ZNF587B: variants seen among roughly 807,000 people sequenced by gnomAD.
ZNF587B encodes zinc finger protein 587B.
A neutral mutation model predicts 7.2 loss-of-function variants in ZNF587B; 6 were observed. The observed-to-expected ratio is 0.83, with a 90% confidence interval of 0.46 to 1.65. The LOEUF (loss-of-function observed/expected upper bound fraction) is 1.65, where lower values mean the gene tolerates loss of function less well. ZNF587B is among the 40% of genes most tolerant of loss of function. ZNF587B has a pLI of 0.01. For missense variants in ZNF587B, 749 were observed against 761.0 expected (o/e 0.98, Z 0.19); for synonymous variants, 274 against 254.3 (o/e 1.08, Z -0.74).
At chr19:57,836,275 TC>T (rs1207000220) in intron 1 of ZNF587B, among the ~76,000 whole-genome samples, 1 of 152,172 alleles carries the variant, frequency 6.6e-6, no homozygotes, top group Non-Finnish European at 1.5e-5. Flanking sequence ...AAGGAGGTCC[TC>T]ACAGAATTAC....
rs1212543160 is a variant in ZNF587B at position 57,845,463 on chromosome 19, G to A, written c.*2887G>A. 1 of 152,086 alleles carries A rather than the reference G, an allele frequency of 6.6e-6. No individual in the cohort carries two copies. Among genetic ancestry groups the A allele is most frequent in the African/African-American group, 2.4e-5 (1 of 41,388 alleles). 9.4% of individuals were successfully genotyped at this position (152,086 alleles called of 1,614,324 possible). A position where few individuals can be genotyped will look rare whatever the true frequency, so the allele number is the denominator to read the frequency against. On this transcript the variant is annotated 3_prime_UTR_variant, in exon 3 of 3. Coordinates refer to ENST00000594901, the MANE Select transcript of ZNF587B (RefSeq NM_001376223.1). ...AACCTTTTGGGCTGCTCACCTTAAG[G>A]TAACTCCTGTATTAACAGGAGGAAC...
chr19:57,841,607 A>G lies in ZNF587B; in HGVS notation c.933A>G (p.Gly311=), dbSNP rs752433130. Residue 311 remains glycine (G), a synonymous_variant, in exon 3 of 3, where the codon GGA becomes GGG. Coordinates refer to ENST00000594901, the MANE Select transcript of ZNF587B (RefSeq NM_001376223.1). ...EECGKYFSLE[G]YLRRHQKVHA... ...GTGGGAAATATTTTAGCTTAGAAGG[A>G]TATCTTAGGCGCCATCAAAAAGTTC... 7 of 1,581,904 alleles carry G rather than the reference A, an allele frequency of 4.4e-6. No homozygotes were observed. The highest frequency in any genetic ancestry group is 2.3e-5 in the East Asian group (1 of 43,202).
chr19:57,842,093 A>G lies in ZNF587B; in HGVS notation c.1419A>G (p.Lys473=), dbSNP rs762675428. The G allele has an allele frequency of 1.0e-5, 16 of 1,597,324 alleles. No individual in the cohort carries two copies. In the East Asian group the frequency reaches 3.4e-4, roughly 34 times the overall value. Residue 473 remains lysine (K), a synonymous_variant, in exon 3 of 3, where the codon AAA becomes AAG. Coordinates refer to ENST00000594901, the MANE Select transcript of ZNF587B (RefSeq NM_001376223.1). The part of the protein sequence containing the change: ...KRPYMCWECG[K]LFKKKSHLLV... ...CTTATATGTGTTGGGAATGTGGAAA[A>G]TTATTTAAGAAGAAGTCTCACCTCC...
At position 57,841,618 on chromosome 19, in the gene ZNF587B, G is replaced by A. The variant is rs1176256794; in HGVS notation, c.944G>A (p.Arg315His). The change falls in exon 3 of 3, where the codon CGC (arginine) becomes CAC (histidine). Residue 315 changes from arginine to histidine, a missense_variant. This residue lies in a region of ZNF587B where 656 missense variants were observed against 596.5 expected (regional missense o/e 1.10). Coordinates refer to ENST00000594901, the MANE Select transcript of ZNF587B (RefSeq NM_001376223.1). ...KYFSLEGYLR[R>H]HQKVHAGKGP... ...TTTAGCTTAGAAGGATATCTTAGGC[G>A]CCATCAAAAAGTTCACGCTGGAAAA... 16 of 1,588,092 alleles carry A rather than the reference G, an allele frequency of 1.0e-5. No individual in the cohort carries two copies. Among genetic ancestry groups the A allele is most frequent in the South Asian group, 9.1e-5 (8 of 88,268 alleles).
rs188895332 is a variant in ZNF587B at position 57,837,863 on chromosome 19, G to T, written c.37-1160G>T. 4.9e-3 allele frequency among the ~76,000 whole-genome samples: 740 copies of T among 152,186 alleles called. 10 individuals are homozygous for T. Among genetic ancestry groups the T allele is most frequent in the Admixed American group, 7.2e-3 (110 of 15,278 alleles). On this transcript the variant is annotated intron_variant, in intron 1 of 2. Coordinates refer to ENST00000594901, the MANE Select transcript of ZNF587B (RefSeq NM_001376223.1). ...GCCTCCTAAAGCACTGGTACTACAGGTGCGAGCCACCACGCCTGGCTCAAT... is the reference window on the plus strand; with the variant it reads ...GCCTCCTAAAGCACTGGTACTACAGTTGCGAGCCACCACGCCTGGCTCAAT...
chr19:57,844,471 C>G lies in ZNF587B; in HGVS notation c.*1895C>G. On this transcript the variant is annotated 3_prime_UTR_variant, in exon 3 of 3. Coordinates refer to ENST00000594901, the MANE Select transcript of ZNF587B (RefSeq NM_001376223.1). ...GAGCTGAGATCATGCCACTGCACTCCAGCCTGGGTCCTGCTACCTTGAAGG... is the reference window on the plus strand; with the variant it reads ...GAGCTGAGATCATGCCACTGCACTCGAGCCTGGGTCCTGCTACCTTGAAGG... 4.4e-6 allele frequency: 1 copy of G among 227,086 alleles called. No homozygotes were observed. The highest frequency in any genetic ancestry group is 4.1e-5 in the South Asian group (1 of 24,406). 14.1% of individuals were successfully genotyped at this position (227,086 alleles called of 1,614,324 possible).
chr19:57,831,209 C>T (rs1988376694), intron 1 of ZNF587B, among the ~76,000 whole-genome samples: 1 of 152,096 alleles, frequency 6.6e-6, no homozygotes, highest in Admixed American at 6.6e-5. Context: ...TGGAGTCTGT[C>T]TGGCTCTCTT....
At chr19:57,839,682 AT>A (rs900005096) in intron 2 of ZNF587B, among the ~76,000 whole-genome samples, 3 of 151,640 alleles carry the variant, frequency 2.0e-5, no homozygotes, top group Non-Finnish European at 2.9e-5. Context: ...TGTCCCATGT[AT>A]TTGGTCATCA....
chr19:57,830,542 C>T lies in ZNF587B; in HGVS notation c.14C>T (p.Ala5Val), dbSNP rs781617982. The T allele has an allele frequency of 7.7e-5, 119 of 1,549,562 alleles. No homozygotes were observed. The highest frequency in any genetic ancestry group is 9.9e-5 in the Non-Finnish European group (114 of 1,147,182). MAVV[A>V]TLRLSAQGTV... Reference sequence around the variant, plus strand: ...CCACGTGGTTCGATGGCGGTGGTGGCCACGCTGAGGCTCTCTGCTCAGGTA... The same window carrying T: ...CCACGTGGTTCGATGGCGGTGGTGGTCACGCTGAGGCTCTCTGCTCAGGTA... Residue 5 changes from alanine to valine, a missense_variant, in exon 1 of 3, where the codon GCC (alanine) becomes GTC (valine). This residue lies in a region of ZNF587B where 21 missense variants were observed against 16.7 expected (regional missense o/e 1.25). Coordinates refer to ENST00000594901, the MANE Select transcript of ZNF587B (RefSeq NM_001376223.1).
chr19:57,842,360 C>T lies in ZNF587B; in HGVS notation c.1686C>T (p.Ser562=), dbSNP rs760131314. ...CSECGKSFAA[S]SYLTSHRRVH... ...AATGTGGGAAATCTTTTGCTGCAAG[C>T]TCCTATCTCACTAGTCACAGGAGAG... Residue 562 remains serine, a synonymous_variant, in exon 3 of 3, where the codon AGC becomes AGT. Transcript: ENST00000594901. 5.0e-6 allele frequency: 8 copies of T among 1,605,790 alleles called. No individual in the cohort carries two copies. In the African/African-American group the frequency reaches 8.0e-5, roughly 16 times the overall value.
Position 57,841,253 on chromosome 19 carries a change from T to C in ZNF587B, c.579T>C (p.Thr193=), listed in dbSNP as rs759356065. The change falls in exon 3 of 3, where the codon ACT becomes ACC. Residue 193 remains threonine, a synonymous_variant. Transcript: ENST00000594901. ...TACTCCAGCAGGAGGCCAGTCACAC[T>C]GGGGAGAAGTCAAACAGCAAAACTG... The part of the protein sequence containing the change: ...SGLLQQEASH[T]GEKSNSKTEC... 3 of 1,614,176 alleles carry C rather than the reference T, an allele frequency of 1.9e-6. No homozygotes were observed. Among genetic ancestry groups the C allele is most frequent in the Non-Finnish European group, 2.5e-6 (3 of 1,180,036 alleles).
In ZNF587B at chr19:57,845,359, C is replaced by G. The variant is rs1286419110; in HGVS notation, c.*2783C>G. On this transcript the variant is annotated 3_prime_UTR_variant, in exon 3 of 3. Coordinates refer to ENST00000594901, the MANE Select transcript of ZNF587B (RefSeq NM_001376223.1). ...ATGGATAAGCAGATACAGAAATTCT[C>G]AAGACTTCCATAATAATGAATGTTG... 6.6e-6 allele frequency: 1 copy of G among 152,174 alleles called. No individual in the cohort carries two copies. Among genetic ancestry groups the G allele is most frequent in the Non-Finnish European group, 1.5e-5 (1 of 68,034 alleles). 9.4% of individuals were successfully genotyped at this position (152,174 alleles called of 1,614,324 possible).
At position 57,842,548 on chromosome 19, in the gene ZNF587B, A is replaced by G; in HGVS notation, c.1874A>G (p.Gln625Arg). 6.5e-7 allele frequency: 1 copy of G among 1,535,244 alleles called. No homozygotes were observed. ...AAAAGCTCTTCACTTCGTTACCATC[A>G]GAGAGTTCATGAAAGAAAGGCCTTA... The part of the protein sequence containing the change: ...FRKSSSLRYH[Q>R]RVHERKAL The change falls in exon 3 of 3, where the codon CAG (glutamine) becomes CGG (arginine). Residue 625 changes from glutamine to arginine, a missense_variant. Gln to Arg is a conservative substitution (Grantham distance 43). Around this residue, in one of 3 missense-constraint regions of ZNF587B, gnomAD observed 656 missense variants for 596.5 expected, o/e 1.10. Transcript: ENST00000594901.
Position 57,830,433 on chromosome 19 carries a change from C to G in ZNF587B, c.-96C>G, listed in dbSNP as rs548522908. 14 of 1,374,546 alleles carry G rather than the reference C, an allele frequency of 1.0e-5. No homozygotes were observed. The South Asian group carries it at 1.5e-4, about 15-fold the overall frequency. 85.1% of individuals were successfully genotyped at this position (1,374,546 alleles called of 1,614,324 possible). ...TCTGGAGCTCTGTGACGGCGCCAAG[C>G]GTGACCCACCCCTGGGCCAGGATAG... is the stretch of plus-strand genomic sequence containing the variant. On this transcript the variant is annotated 5_prime_UTR_variant, in exon 1 of 3. Coordinates refer to ENST00000594901, the MANE Select transcript of ZNF587B (RefSeq NM_001376223.1).
chr19:57,842,464 G>A lies in ZNF587B; in HGVS notation c.1790G>A (p.Arg597Lys), dbSNP rs746282881. The A allele has an allele frequency of 1.4e-5, 23 of 1,598,094 alleles. No individual in the cohort carries two copies. The East Asian group carries it at 4.2e-4, about 29-fold the overall frequency. ...GGAATCTCCAGTCTCACTAATCACA[G>A]GAGAGTTCACACTGGAGAAAAGCCT... is the stretch of plus-strand genomic sequence containing the variant. ...FAGISSLTNH[R>K]RVHTGEKPYG... Residue 597 changes from arginine to lysine, a missense_variant, in exon 3 of 3, where the codon AGG becomes AAG. This residue lies in a region of ZNF587B where 656 missense variants were observed against 596.5 expected (regional missense o/e 1.10). Transcript: ENST00000594901.
rs1189164083 is a variant in ZNF587B, at chr19:57,846,153, A to G, written c.*3577A>G. ...AGTTTTTCTCTCTGCTCTTCAAACAACCATTGATTTACTTTGCTGTATGAT... is the reference window on the plus strand; with the variant it reads ...AGTTTTTCTCTCTGCTCTTCAAACAGCCATTGATTTACTTTGCTGTATGAT... On this transcript the variant is annotated 3_prime_UTR_variant, in exon 3 of 3. Coordinates refer to ENST00000594901, the MANE Select transcript of ZNF587B (RefSeq NM_001376223.1). 4 of 152,054 alleles carry G rather than the reference A, an allele frequency of 2.6e-5. No homozygotes were observed. Among genetic ancestry groups the G allele is most frequent in the Non-Finnish European group, 5.9e-5 (4 of 68,024 alleles). The allele number at this position is 152,054 out of a possible 1,614,324, so 9.4% of individuals were successfully genotyped here.
intron 1 of ZNF587B, among the ~76,000 whole-genome samples, chr19:57,834,763 T>G (rs1988537876): frequency 8.6e-6 from 1 of 116,606 alleles, no homozygotes; most frequent in Non-Finnish European, 1.8e-5. Context: ...GAGAATTGCT[T>G]GAACCCCGGA....
At chr19:57,839,571 T>G (rs778119350) in intron 2 of ZNF587B, among the ~76,000 whole-genome samples, 6 of 152,376 alleles carry the variant, frequency 3.9e-5, no homozygotes, top group Non-Finnish European at 7.3e-5. Context: ...TTAGAAATTC[T>G]CCTTCAAATA....
At chr19:57,839,199 C>G in intron 2 of ZNF587B, 50 bp downstream of exon 2, 1 of 1,605,160 alleles carries the variant, frequency 6.2e-7, no homozygotes, top group African/African-American at 1.3e-5. Flanking sequence ...CTGTTTTCCC[C>G]TGTCTTTCCC....
Sources: gnomAD v4.1 joint callset for allele counts (sites outside exome capture counted in the v4.1 genomes callset) on GRCh38, gnomAD v4.1.1 for gene constraint, gnomAD v4.1.1 regional missense constraint, MANE v1.5 for transcripts, NCBI Gene and HGNC (gene_info 2026-07-23, HGNC 2026-07-21) for gene names.